The following C3orf70 variants were observed in gnomAD, a reference collection of about 807,000 sequenced individuals.
C3orf70 encodes the protein chromosome 3 open reading frame 70.
C3orf70 carries 15 observed loss-of-function variants against 20.7 expected under a neutral mutation model. The observed-to-expected ratio is 0.72, with a 90% CI of 0.48 to 1.11. C3orf70 has a LOEUF of 1.11. Among genes scored for constraint, C3orf70 ranks in the 50% most tolerant of loss-of-function variants. The pLI is 0.00. For synonymous variants in C3orf70, 161 were observed against 125.7 expected (o/e 1.28, Z -1.88); for missense variants, 332 against 317.6 (o/e 1.05, Z -0.34).
At chr3:185,094,117 AC>A in intron 1 of C3orf70, among the ~76,000 whole-genome samples, 1 of 77,168 alleles carries the variant, frequency 1.3e-5, no homozygotes. Flanking sequence ...TCACTTTGTT[AC>A]CCAGGCTGGA....
At chr3:185,115,897 C>T (rs1282417359) in intron 1 of C3orf70, among the ~76,000 whole-genome samples, 6 of 152,214 alleles carry the variant, frequency 3.9e-5, no homozygotes, top group Non-Finnish European at 7.3e-5. Context: ...TTCATGAGGA[C>T]TCCACCCTCG....
intron 1 of C3orf70, among the ~76,000 whole-genome samples, chr3:185,107,418 T>C (rs1715967758): frequency 6.6e-6 from 1 of 152,094 alleles, no homozygotes; most frequent in Non-Finnish European, 1.5e-5. Flanking sequence ...TGAAATGGGG[T>C]ATGTCCCTGG....
chr3:185,090,403 A>G (rs1432962312), intron 1 of C3orf70, among the ~76,000 whole-genome samples: 11 of 152,068 alleles, frequency 7.2e-5, no homozygotes. Flanking sequence ...CTTTGGGGGG[A>G]AAATGAGCTT....
At chr3:185,088,824 A>C (rs895873739) in intron 1 of C3orf70, among the ~76,000 whole-genome samples, 2 of 152,174 alleles carry the variant, frequency 1.3e-5, no homozygotes, top group Non-Finnish European at 2.9e-5. Context: ...GTGTTTGCCA[A>C]ACTGATTTTT....
intron 1 of C3orf70, among the ~76,000 whole-genome samples, chr3:185,129,030 T>C (rs1048201111): frequency 1.3e-5 from 2 of 152,232 alleles, no homozygotes; most frequent in Non-Finnish European, 2.9e-5. Flanking sequence ...AAAGCTCCTA[T>C]GAACATAAAT....
chr3:185,091,627 A>G (rs892952118), intron 1 of C3orf70, among the ~76,000 whole-genome samples: 2 of 151,630 alleles, frequency 1.3e-5, no homozygotes, highest in Non-Finnish European at 2.9e-5. Context: ...AGTTAGGACA[A>G]AGACTGTAGA....
chr3:185,130,690 T>C (rs1716507553), intron 1 of C3orf70, among the ~76,000 whole-genome samples: 1 of 152,214 alleles, frequency 6.6e-6, no homozygotes, highest in Non-Finnish European at 1.5e-5. Context: ...TCTGGCCATT[T>C]CATATAAGTG....
intron 1 of C3orf70, among the ~76,000 whole-genome samples, chr3:185,084,939 C>T (rs1715429823): frequency 6.6e-6 from 1 of 152,154 alleles, no homozygotes. Context: ...ATCTTCTGCA[C>T]ATTGTTGACA....
intron 1 of C3orf70, among the ~76,000 whole-genome samples, chr3:185,149,843 C>T (rs1391772569): frequency 1.3e-5 from 2 of 152,146 alleles, no homozygotes; most frequent in African/African-American, 4.8e-5. Flanking sequence ...AACTGTAGTC[C>T]TGATTTTTTA....
intron 1 of C3orf70, among the ~76,000 whole-genome samples, chr3:185,110,036 G>A (rs1969004): frequency 4.6e-5 from 7 of 152,128 alleles, no homozygotes; most frequent in African/African-American, 7.2e-5. Flanking sequence ...TGAACAAAAC[G>A]GTCGGATGGC....
intron 1 of C3orf70, among the ~76,000 whole-genome samples, chr3:185,129,168 A>G (rs904584656): frequency 6.6e-6 from 1 of 152,176 alleles, no homozygotes; most frequent in African/African-American, 2.4e-5. Flanking sequence ...ACATGGGTAT[A>G]CTGCACCCAG....
At chr3:185,095,628 G>GT (rs1715684241) in intron 1 of C3orf70, among the ~76,000 whole-genome samples, 1 of 151,770 alleles carries the variant, frequency 6.6e-6, no homozygotes, top group Admixed American at 6.6e-5. Flanking sequence ...ATGTTTACTG[G>GT]TTTTTTAAAA....
rs563689697 is a variant in C3orf70 at position 185,138,125 on chromosome 3, A to G, written c.196+14503T>C. 1.1e-4 allele frequency among the ~76,000 whole-genome samples: 16 copies of G among 152,126 alleles called. No homozygotes were observed. In the South Asian group the frequency reaches 3.3e-3, roughly 31 times the overall value. On this transcript the variant is annotated intron_variant, in intron 1 of 1. Transcript: ENST00000335012. The stretch of plus-strand genomic sequence containing the variant: ...AGGAACTACTATTAACAACTCTACA[A>G]GCATAAATTTGACAACTCAGAATGA...
At chr3:185,105,405 T>C (rs925240564) in intron 1 of C3orf70, among the ~76,000 whole-genome samples, 12 of 152,234 alleles carry the variant, frequency 7.9e-5, no homozygotes, top group Middle Eastern at 3.2e-3. Flanking sequence ...CCACAAACAA[T>C]AGCATGAGCG....
intron 1 of C3orf70, among the ~76,000 whole-genome samples, chr3:185,084,057 C>T (rs1175615261): frequency 6.6e-5 from 10 of 152,188 alleles, no homozygotes; most frequent in African/African-American, 1.4e-4. Flanking sequence ...TGGTGGCACA[C>T]GCCTGTAATC....
chr3:185,133,625 T>C (rs546256509), intron 1 of C3orf70, among the ~76,000 whole-genome samples: 1 of 152,014 alleles, frequency 6.6e-6, no homozygotes, highest in African/African-American at 2.4e-5. Flanking sequence ...ACCTGAATCA[T>C]AGCTACTTGG....
intron 1 of C3orf70, among the ~76,000 whole-genome samples, chr3:185,146,413 G>A (rs183628673): frequency 1.1e-3 from 166 of 150,564 alleles, no homozygotes; most frequent in African/African-American, 3.9e-3. Flanking sequence ...TCAGCCTCCC[G>A]AGGAGCTGGG....
chr3:185,138,662 T>C (rs1209415027), intron 1 of C3orf70, among the ~76,000 whole-genome samples: 11 of 152,228 alleles, frequency 7.2e-5, no homozygotes, highest in Non-Finnish European at 1.6e-4. Context: ...ATCCTATTAA[T>C]TGATTTTAAA....
At position 185,091,864 on chromosome 3, in the gene C3orf70, TTATATA is replaced by T. The variant is rs71162280; in HGVS notation, c.197-8307_197-8302del. 2.2e-3 allele frequency among the ~76,000 whole-genome samples: 276 copies of T among 124,488 alleles called. 1 individual carries two copies. Among genetic ancestry groups the T allele is most frequent in the Non-Finnish European group, 2.7e-3 (163 of 61,076 alleles). The allele number at this position is 124,488 out of a possible 152,430, so 81.7% of individuals were successfully genotyped here. A position where few individuals can be genotyped will look rare whatever the true frequency, so the allele number is the denominator to read the frequency against. ...CACACCCAGCTATATATGTATTATATTATATATATATATATAATATATATACACACA... is the reference window on the plus strand; with the variant it reads ...CACACCCAGCTATATATGTATTATATTATATATATAATATATATACACACA... On this transcript the variant is annotated intron_variant, in intron 1 of 1. Transcript: ENST00000335012.
Sources: gnomAD v4.1 joint callset for allele counts (sites outside exome capture counted in the v4.1 genomes callset) on GRCh38, gnomAD v4.1.1 for gene constraint, MANE v1.5 for transcripts, NCBI Gene and HGNC (gene_info 2026-07-23, HGNC 2026-07-21) for gene names.